Variants in BCAS3 observed in about 807,000 individuals in gnomAD.
BCAS3 encodes the protein BCAS4/BCAS3 fusion.
A neutral mutation model predicts 116.1 loss-of-function variants in BCAS3; 53 were observed. The ratio of observed to expected loss-of-function variants is 0.46; its 90% CI spans 0.37 to 0.57. The LOEUF (loss-of-function observed/expected upper bound fraction) is 0.57. Ranked by LOEUF, BCAS3 falls within the 20% of genes least tolerant of loss-of-function variation. BCAS3 has a pLI of 0.00. For missense variants in BCAS3, 917 were observed against 1,165.4 expected (o/e 0.79, Z 3.10); for synonymous variants, 391 against 408.2 (o/e 0.96, Z 0.51).
At chr17:60,761,201 C>G (rs2043492324) in intron 6 of BCAS3, among the ~76,000 whole-genome samples, 2 of 151,768 alleles carry the variant, frequency 1.3e-5, no homozygotes, top group South Asian at 4.2e-4. Context: ...AATTATTTCT[C>G]TGGGATTTTA....
chr17:61,372,015 T>A (rs1420967250), intron 23 of BCAS3, among the ~76,000 whole-genome samples: 4 of 152,262 alleles, frequency 2.6e-5, no homozygotes, highest in Admixed American at 6.5e-5. Flanking sequence ...TTTGCTAATA[T>A]CCTTCTGCCC....
intron 7 of BCAS3, among the ~76,000 whole-genome samples, chr17:60,820,439 A>C (rs1266152078): frequency 1.3e-5 from 2 of 152,152 alleles, no homozygotes; most frequent in African/African-American, 4.8e-5. Context: ...GAGCCCACTG[A>C]TGCAATTCAT....
At chr17:61,386,459 G>A (rs1244344582) in intron 23 of BCAS3, among the ~76,000 whole-genome samples, 1 of 152,250 alleles carries the variant, frequency 6.6e-6, no homozygotes, top group African/African-American at 2.4e-5. Context: ...ATGCAGCCAG[G>A]GCCCAGTCAC....
At chr17:60,771,150 C>T (rs56395911) in intron 6 of BCAS3, among the ~76,000 whole-genome samples, 41,743 of 151,984 alleles carry the variant, frequency 0.27, 11,446 homozygotes, top group African/African-American at 0.71. Flanking sequence ...TTACTTAGAT[C>T]TCATGGTCTC....
chr17:60,924,550 A>G (rs1481043492), intron 13 of BCAS3, 50 bp downstream of exon 13: 4 of 1,397,972 alleles, frequency 2.9e-6, no homozygotes, highest in East Asian at 2.3e-5. Flanking sequence ...GACCATTTAT[A>G]TAATGGGTTT....
At position 61,241,183 on chromosome 17, in the gene BCAS3, TTGAATG is replaced by T. The variant is rs1480576257; in HGVS notation, c.2426-127140_2426-127135del. ...GATTTAATATTAGAGGCTTGACTAT[TTGAATG>T]TGATTGCAAAAGTCAGTGAGGACTC... On this transcript the variant is annotated intron_variant, in intron 22 of 23. Coordinates refer to ENST00000407086, the MANE Select transcript of BCAS3 (RefSeq NM_017679.5). The surrounding 1 kb of genome is among the most constrained non-coding windows in gnomAD (Gnocchi z 4.6). Among the ~76,000 whole-genome samples, 1 of 152,164 alleles carries T rather than the reference TTGAATG, an allele frequency of 6.6e-6. No homozygotes were observed. Among genetic ancestry groups the T allele is most frequent in the Admixed American group, 6.5e-5 (1 of 15,270 alleles).
intron 6 of BCAS3, among the ~76,000 whole-genome samples, chr17:60,800,352 C>T (rs2144588305): frequency 6.6e-6 from 1 of 152,248 alleles, no homozygotes; most frequent in East Asian, 1.9e-4. Context: ...ATTTACATTT[C>T]CCTAATGACT....
intron 6 of BCAS3, among the ~76,000 whole-genome samples, chr17:60,772,379 C>T (rs1274538230): frequency 6.6e-6 from 1 of 151,990 alleles, no homozygotes; most frequent in Non-Finnish European, 1.5e-5. Flanking sequence ...TGTTCATATC[C>T]TTTGCCCACT....
chr17:60,891,161 A>G (rs1192681403), intron 10 of BCAS3, among the ~76,000 whole-genome samples: 2 of 152,214 alleles, frequency 1.3e-5, no homozygotes, highest in Non-Finnish European at 2.9e-5. Flanking sequence ...GTATCTTCTA[A>G]TGTTTCTATC....
In BCAS3 at chr17:61,189,976, T is replaced by C. The variant is rs1184116489; in HGVS notation, c.2425+105412T>C. Reference sequence around the variant, plus strand: ...TGAAAATCAGCAAAATATTACAGACTAGCATAGGATAATTTGTACAGAATT... The same window carrying C: ...TGAAAATCAGCAAAATATTACAGACCAGCATAGGATAATTTGTACAGAATT... On this transcript the variant is annotated intron_variant, in intron 22 of 23. Transcript: ENST00000407086. The surrounding 1 kb of genome is among the most constrained non-coding windows in gnomAD (Gnocchi z 4.5). Among the ~76,000 whole-genome samples, 1 of 152,112 alleles carries C rather than the reference T, an allele frequency of 6.6e-6. No individual in the cohort carries two copies. The highest frequency in any genetic ancestry group is 1.5e-5 in the Non-Finnish European group (1 of 68,022).
chr17:60,830,990 G>A (rs1345610584), intron 7 of BCAS3, among the ~76,000 whole-genome samples: 1 of 151,762 alleles, frequency 6.6e-6, no homozygotes, highest in East Asian at 1.9e-4. Context: ...TCCCACTTCA[G>A]CCTCCCTAGT....
At chr17:60,705,893 G>A (rs1422533376) in intron 4 of BCAS3, among the ~76,000 whole-genome samples, 1 of 152,154 alleles carries the variant, frequency 6.6e-6, no homozygotes, top group Non-Finnish European at 1.5e-5. Context: ...TTGCAAAAAT[G>A]TCAGAGAGGA....
chr17:60,782,561 G>GTTGTTA (rs1555712757), intron 6 of BCAS3, among the ~76,000 whole-genome samples: 63 of 142,460 alleles, frequency 4.4e-4, no homozygotes, highest in African/African-American at 1.6e-3. Context: ...GTCTTTATAA[G>GTTGTTA]TTATTATTAT....
intron 13 of BCAS3, among the ~76,000 whole-genome samples, chr17:60,926,734 G>A (rs180823868): frequency 2.0e-4 from 31 of 152,198 alleles, no homozygotes; most frequent in African/African-American, 7.2e-4. Flanking sequence ...ACCCTACAGT[G>A]CTTCTGACAC....
At chr17:60,713,991 G>A (rs2038245345) in intron 5 of BCAS3, among the ~76,000 whole-genome samples, 1 of 152,060 alleles carries the variant, frequency 6.6e-6, no homozygotes, top group Non-Finnish European at 1.5e-5. Flanking sequence ...GAGCCACCAT[G>A]CCAGGCTAAT....
chr17:61,166,870 A>G (rs890941004), intron 22 of BCAS3, among the ~76,000 whole-genome samples: 4 of 152,022 alleles, frequency 2.6e-5, no homozygotes, highest in Admixed American at 2.0e-4. Context: ...ATGTGCCACC[A>G]TGACTGGCTA....
chr17:61,089,509 C>CTTTTTTTTTTTT lies in BCAS3; in HGVS notation c.2425+4972_2425+4983dup, dbSNP rs71370187. 6.4e-4 allele frequency among the ~76,000 whole-genome samples: 17 copies of CTTTTTTTTTTTT among 26,750 alleles called. 7 individuals carry two copies. The highest frequency in any genetic ancestry group is 9.4e-4 in the Non-Finnish European group (14 of 14,942). The allele number at this position is 26,750 out of a possible 152,430, so 17.5% of individuals were successfully genotyped here. A position where few individuals can be genotyped will look rare whatever the true frequency, so the allele number is the denominator to read the frequency against. On this transcript the variant is annotated intron_variant, in intron 22 of 23. Coordinates refer to ENST00000407086, the MANE Select transcript of BCAS3 (RefSeq NM_017679.5). ...TTTTTCTTCGAGACGGAGTTTCACT[C>CTTTTTTTTTTTT]TTTTTTTTTTTTTTTTTTTTTTTTT... is the stretch of plus-strand genomic sequence containing the variant.
Position 61,034,726 on chromosome 17 carries a change from GGCT to G in BCAS3, c.1702_1704del (p.Ala568del). The G allele has an allele frequency of 6.2e-7, 1 of 1,612,578 alleles. No individual in the cohort carries two copies. The highest frequency in any genetic ancestry group is 8.5e-7 in the Non-Finnish European group (1 of 1,178,846). ...AATCGATGGGCGGAGAATTTTGTGT[GGCT>G]GCTATCTTCGGAACATCCAGGTCAT... On this transcript the variant is annotated inframe_deletion, in exon 17 of 24. Coordinates refer to ENST00000407086, the MANE Select transcript of BCAS3 (RefSeq NM_017679.5). The surrounding 1 kb of genome is among the most constrained non-coding windows in gnomAD (Gnocchi z 5.0).
At chr17:61,147,714 C>G (rs1434389124) in intron 22 of BCAS3, among the ~76,000 whole-genome samples, 1 of 151,364 alleles carries the variant, frequency 6.6e-6, no homozygotes, top group Non-Finnish European at 1.5e-5. Flanking sequence ...GGGCGGGGCA[C>G]CGTGGCTCAC....
Sources: allele counts gnomAD v4.1 joint callset (sites outside exome capture counted in the v4.1 genomes callset), GRCh38; gene constraint gnomAD v4.1.1; non-coding constraint Gnocchi (gnomAD v3.1); transcripts MANE v1.5; gene names NCBI Gene and HGNC (gene_info 2026-07-23, HGNC 2026-07-21).